NCAPG2: variants seen among roughly 807,000 people sequenced by gnomAD.
The protein encoded by NCAPG2 is non-SMC condensin II complex subunit G2, also known as condensin-2 complex subunit G2.
A neutral mutation model predicts 141.1 loss-of-function variants in NCAPG2; 53 were observed. The ratio of observed to expected loss-of-function variants is 0.38; its 90% CI spans 0.30 to 0.47. The LOEUF is 0.47. Ranked by LOEUF, NCAPG2 falls within the 20% of genes least tolerant of loss-of-function variation. The pLI is 0.99. For synonymous variants in NCAPG2, 499 were observed against 490.7 expected, an observed-to-expected ratio of 1.02 and a Z score of -0.22; for missense variants, 1,087 against 1,389.0, an observed-to-expected ratio of 0.78 and a Z score of 3.46.
At position 158,638,734 on chromosome 7, in the gene NCAPG2, C is replaced by T. The variant is rs554507882; in HGVS notation, c.3380+5555G>A. 4.6e-5 allele frequency among the ~76,000 whole-genome samples: 7 copies of T among 152,202 alleles called. No homozygotes were observed. In the South Asian group the frequency reaches 1.2e-3, roughly 27 times the overall value. ...TTCACAAGCATAATGAGAAATTTAA[C>T]ACAAGTCTCTGTAGAATAAGTAACA... On this transcript the variant is annotated intron_variant, in intron 27 of 27. Transcript: ENST00000356309.
Position 158,690,704 on chromosome 7 carries a change from G to C in NCAPG2, c.401C>G (p.Pro134Arg), listed in dbSNP as rs1474892020. The change falls in exon 5 of 28, where the codon CCT (proline) becomes CGT (arginine). Residue 134 changes from proline (P) to arginine (R), a missense_variant. By Grantham distance (103) the Pro-to-Arg change is moderately radical. Coordinates refer to ENST00000356309, the MANE Select transcript of NCAPG2 (RefSeq NM_017760.7). The part of the protein sequence containing the change: ...IILNGILYAL[P>R]ESERKLQSSI... Reference sequence around the variant, plus strand: ...ACTCTGTAGTTTTCGTTCAGACTCAGGTAATGCATATAAAATACCTAAAAT... The same window carrying C: ...ACTCTGTAGTTTTCGTTCAGACTCACGTAATGCATATAAAATACCTAAAAT... 1 of 1,613,842 alleles carries C rather than the reference G, an allele frequency of 6.2e-7. No homozygotes were observed. The highest frequency in any genetic ancestry group is 8.5e-7 in the Non-Finnish European group (1 of 1,179,892).
intron 2 of NCAPG2, among the ~76,000 whole-genome samples, chr7:158,695,123 A>T (rs1835369622): frequency 6.6e-6 from 1 of 152,216 alleles, no homozygotes; most frequent in Non-Finnish European, 1.5e-5. Context: ...TGCTGGGGTC[A>T]TTCATCTGGG....
At chr7:158,658,901 G>T (rs1217710381) in intron 16 of NCAPG2, among the ~76,000 whole-genome samples, 2 of 152,070 alleles carry the variant, frequency 1.3e-5, no homozygotes, top group African/African-American at 4.8e-5. Flanking sequence ...AATGCAGTGG[G>T]GCATAGTGGC....
At chr7:158,697,491 T>C (rs1835522287) in intron 2 of NCAPG2, among the ~76,000 whole-genome samples, 1 of 151,820 alleles carries the variant, frequency 6.6e-6, no homozygotes, top group African/African-American at 2.4e-5. Flanking sequence ...ATCTCAACTA[T>C]TCAGGAGGCT....
chr7:158,666,830 C>A (rs987006430), intron 13 of NCAPG2, among the ~76,000 whole-genome samples: 6 of 152,048 alleles, frequency 3.9e-5, no homozygotes, highest in African/African-American at 1.5e-4. Context: ...ATCTCCTGGC[C>A]CACTGGGCTC....
intron 24 of NCAPG2, among the ~76,000 whole-genome samples, chr7:158,649,986 AC>A (rs1831358392): frequency 6.6e-6 from 1 of 152,246 alleles, no homozygotes; most frequent in Non-Finnish European, 1.5e-5. Flanking sequence ...CAATTCATCT[AC>A]AGCTACCGGT....
intron 5 of NCAPG2, 60 bp downstream of exon 5, chr7:158,690,508 G>T: frequency 6.6e-7 from 1 of 1,516,386 alleles, no homozygotes; most frequent in Non-Finnish European, 9.1e-7. Flanking sequence ...TCATGCCACT[G>T]CACTCCATCT....
intron 13 of NCAPG2, chr7:158,667,195 G>C (rs1833036691): frequency 1.0e-6 from 1 of 985,332 alleles, no homozygotes; most frequent in Non-Finnish European, 1.2e-6. Context: ...GATAAGGACT[G>C]AAACGCAAAC....
chr7:158,665,575 A>G (rs989074264), intron 13 of NCAPG2, among the ~76,000 whole-genome samples: 9 of 152,178 alleles, frequency 5.9e-5, no homozygotes, highest in Non-Finnish European at 8.8e-5. Flanking sequence ...AGTATTTTCA[A>G]TTGGATCTTT....
In NCAPG2 at chr7:158,633,118, A is replaced by G. The variant is rs1367384847; in HGVS notation, c.3381-1401T>C. 1.3e-5 allele frequency among the ~76,000 whole-genome samples: 2 copies of G among 152,220 alleles called. No homozygotes were observed. The highest frequency in any genetic ancestry group is 2.9e-5 in the Non-Finnish European group (2 of 68,010). On this transcript the variant is annotated intron_variant, in intron 27 of 27. Transcript: ENST00000356309. The surrounding 1 kb of genome is among the most constrained non-coding windows in gnomAD (Gnocchi z 4.1). ...GTGAAAGAAAAAAGGGAATCTGCAT[A>G]TATTTCTTTAAGCTCTGGGGAATTT...
At chr7:158,645,461 A>G in intron 26 of NCAPG2, 58 bp downstream of exon 26, 1 of 1,461,690 alleles carries the variant, frequency 6.8e-7, no homozygotes, top group Non-Finnish European at 9.6e-7. Flanking sequence ...GAATCCCATG[A>G]CAGCACCTGT....
chr7:158,678,644 C>T (rs558388560), intron 11 of NCAPG2, among the ~76,000 whole-genome samples: 9 of 150,528 alleles, frequency 6.0e-5, no homozygotes, highest in Admixed American at 2.6e-4. Flanking sequence ...GTGATGATCA[C>T]GCCACTGGAC....
At position 158,665,004 on chromosome 7, in the gene NCAPG2, A is replaced by T. The variant is rs111554670; in HGVS notation, c.1480-254T>A. 82 of 391,638 alleles carry T rather than the reference A, an allele frequency of 2.1e-4. 2 individuals carry two copies. Among genetic ancestry groups the T allele is most frequent in the African/African-American group, 1.2e-3 (60 of 49,006 alleles). The allele number at this position is 391,638 out of a possible 1,614,324, so 24.3% of individuals were successfully genotyped here. On this transcript the variant is annotated intron_variant, in intron 13 of 27. Coordinates refer to ENST00000356309, the MANE Select transcript of NCAPG2 (RefSeq NM_017760.7). ...CTAAGAGGTTTAATTAAAATTACTTAACACCATGATTAACATACAGTAAAC... is the reference window on the plus strand; with the variant it reads ...CTAAGAGGTTTAATTAAAATTACTTTACACCATGATTAACATACAGTAAAC...
At chr7:158,668,888 A>C (rs765008923) in intron 13 of NCAPG2, among the ~76,000 whole-genome samples, 2 of 152,170 alleles carry the variant, frequency 1.3e-5, no homozygotes, top group Non-Finnish European at 2.9e-5. Context: ...CCCAGCATCC[A>C]TTAGCCATTA....
chr7:158,654,556 T>A (rs958292180), intron 22 of NCAPG2, 39 bp downstream of exon 22: 4 of 1,591,566 alleles, frequency 2.5e-6, no homozygotes, highest in Admixed American at 3.4e-5. Context: ...GAAGGACTGG[T>A]TCTGAGTATT....
intron 27 of NCAPG2, among the ~76,000 whole-genome samples, chr7:158,636,402 C>CTTTTTTT (rs59810481): frequency 7.4e-6 from 1 of 135,790 alleles, no homozygotes; most frequent in Non-Finnish European, 1.6e-5. Flanking sequence ...TTCTTTTTTT[C>CTTTTTTT]TTTTTTTTTT....
intron 12 of NCAPG2, 92 bp from the exon 13 acceptor site, chr7:158,671,758 C>A (rs1018139488): frequency 7.2e-7 from 1 of 1,379,844 alleles, no homozygotes; most frequent in Admixed American, 2.3e-5. Context: ...ACATTCGGTT[C>A]CATCTTTATT....
At chr7:158,658,080 C>T (rs1437260802) in intron 17 of NCAPG2, among the ~76,000 whole-genome samples, 1 of 151,500 alleles carries the variant, frequency 6.6e-6, no homozygotes, top group African/African-American at 2.4e-5. Flanking sequence ...TATCTGCTGA[C>T]CTTCCCTCCA....
At chr7:158,642,636 T>C (rs1210579386) in intron 27 of NCAPG2, among the ~76,000 whole-genome samples, 1 of 151,492 alleles carries the variant, frequency 6.6e-6, no homozygotes. Flanking sequence ...TACAGGAAAA[T>C]TTATAGCATT....
Sources: gnomAD v4.1 joint callset for allele counts (sites outside exome capture counted in the v4.1 genomes callset) on GRCh38, gnomAD v4.1.1 for gene constraint, Gnocchi (gnomAD v3.1) non-coding constraint, MANE v1.5 for transcripts, NCBI Gene and HGNC (gene_info 2026-07-23, HGNC 2026-07-21) for gene names.